The following RAP1GDS1 variants were observed in gnomAD, a reference collection of about 807,000 sequenced individuals.
RAP1GDS1 encodes the protein RAP1, GTP-GDP dissociation stimulator 1.
A neutral mutation model predicts 71.1 loss-of-function variants in RAP1GDS1; 35 were observed. The observed-to-expected ratio is 0.49, with a 90% CI of 0.38 to 0.65. The LOEUF (loss-of-function observed/expected upper bound fraction) is 0.65. RAP1GDS1 is among the 30% of genes least tolerant of loss of function. The probability of loss-of-function intolerance (pLI) is 0.00; values close to 1 mark genes in which losing one functional copy is unlikely to be tolerated. For missense variants in RAP1GDS1, 663 were observed against 706.1 expected, an observed-to-expected ratio of 0.94 and a Z score of 0.69; for synonymous variants, 229 against 243.1, an observed-to-expected ratio of 0.94 and a Z score of 0.54.
intron 7 of RAP1GDS1, among the ~76,000 whole-genome samples, chr4:98,414,516 A>G (rs1289635745): frequency 6.6e-6 from 1 of 150,584 alleles, no homozygotes. Context: ...GTCAAAGATC[A>G]GATAGTTGTA....
At chr4:98,380,371 A>G (rs1237265056) in intron 5 of RAP1GDS1, among the ~76,000 whole-genome samples, 1 of 151,856 alleles carries the variant, frequency 6.6e-6, no homozygotes, top group Non-Finnish European at 1.5e-5. Flanking sequence ...TTTTAATACT[A>G]TAGAAGCTAA....
At chr4:98,273,082 C>T (rs1184291708) in intron 1 of RAP1GDS1, among the ~76,000 whole-genome samples, 1 of 152,158 alleles carries the variant, frequency 6.6e-6, no homozygotes, top group Non-Finnish European at 1.5e-5. Context: ...GTCGACTTCT[C>T]ATCTTCCACT....
intron 5 of RAP1GDS1, among the ~76,000 whole-genome samples, chr4:98,388,721 G>A (rs1055306784): frequency 1.2e-4 from 18 of 152,050 alleles, no homozygotes; most frequent in Non-Finnish European, 2.2e-4. Flanking sequence ...GTGAGACTTC[G>A]TCTCAAAAAT....
chr4:98,343,632 A>G (rs889714340), intron 3 of RAP1GDS1, among the ~76,000 whole-genome samples: 1 of 152,132 alleles, frequency 6.6e-6, no homozygotes, highest in African/African-American at 2.4e-5. Flanking sequence ...ACCCACATAA[A>G]CTCACTGTTC....
chr4:98,325,719 C>G (rs1333969533), intron 2 of RAP1GDS1, among the ~76,000 whole-genome samples: 5 of 138,634 alleles, frequency 3.6e-5, no homozygotes, highest in African/African-American at 1.1e-4. Context: ...GGGAATTGAA[C>G]AATGAGATCA....
intron 5 of RAP1GDS1, 24 bp from the exon 6 acceptor site, chr4:98,391,928 G>C (rs200096355): frequency 4.8e-5 from 74 of 1,548,330 alleles, no homozygotes; most frequent in Non-Finnish European, 6.3e-5. Flanking sequence ...CTTTTCTGTT[G>C]TTGTTTTTTT....
At chr4:98,441,667 T>C in intron 14 of RAP1GDS1, 1 of 926,536 alleles carries the variant, frequency 1.1e-6, no homozygotes, top group Non-Finnish European at 1.3e-6. Context: ...CTTGGGAGAC[T>C]GAGCAGGATG....
intron 12 of RAP1GDS1, 69 bp downstream of exon 12, chr4:98,421,463 G>T (rs1748845420): frequency 8.6e-6 from 12 of 1,400,546 alleles, no homozygotes; most frequent in Non-Finnish European, 1.1e-5. Context: ...AGCATTGTAG[G>T]TCCTAACAAC....
In RAP1GDS1 at chr4:98,421,250, T is replaced by G. The variant is rs756240693; in HGVS notation, c.1301-5T>G. 6.2e-7 allele frequency: 1 copy of G among 1,602,864 alleles called. No homozygotes were observed. Among genetic ancestry groups the G allele is most frequent in the Non-Finnish European group, 8.5e-7 (1 of 1,174,086 alleles). ...TCATTCCTTGGTTTGCCTTCTTTCC[T>G]ATAGCAGAAGCTGCTGAACAATTGG... On this transcript the variant is annotated splice_polypyrimidine_tract_variant and splice_region_variant and intron_variant, in intron 11 of 14. Transcript: ENST00000408927.
At chr4:98,266,774 T>A (rs1241372199) in intron 1 of RAP1GDS1, among the ~76,000 whole-genome samples, 2 of 152,224 alleles carry the variant, frequency 1.3e-5, no homozygotes, top group Non-Finnish European at 2.9e-5. Flanking sequence ...GTACTACTAC[T>A]ATTTGAAAAA....
chr4:98,297,151 A>G (rs1272727280), intron 2 of RAP1GDS1, among the ~76,000 whole-genome samples: 1 of 152,154 alleles, frequency 6.6e-6, no homozygotes, highest in East Asian at 1.9e-4. Context: ...CTTTAAAGAA[A>G]AAAAGCATTT....
intron 1 of RAP1GDS1, among the ~76,000 whole-genome samples, chr4:98,272,475 T>C (rs977067611): frequency 6.6e-6 from 1 of 152,174 alleles, no homozygotes; most frequent in African/African-American, 2.4e-5. Flanking sequence ...CAAAACTTCA[T>C]AGCTCGGTTC....
At chr4:98,320,552 C>T (rs1400586675) in intron 2 of RAP1GDS1, among the ~76,000 whole-genome samples, 1 of 152,062 alleles carries the variant, frequency 6.6e-6, no homozygotes, top group Non-Finnish European at 1.5e-5. Context: ...CAGTGGTTCT[C>T]CCAGCACGCA....
intron 12 of RAP1GDS1, among the ~76,000 whole-genome samples, chr4:98,430,384 G>A (rs1750230486): frequency 6.6e-6 from 1 of 152,202 alleles, no homozygotes; most frequent in South Asian, 2.1e-4. Context: ...TATAAAGTGT[G>A]TTAATTGCAT....
chr4:98,399,680 T>G (rs1296571116), intron 6 of RAP1GDS1, among the ~76,000 whole-genome samples: 1 of 152,178 alleles, frequency 6.6e-6, no homozygotes, highest in Non-Finnish European at 1.5e-5. Context: ...TATGATAAAA[T>G]GTTCAGTATC....
At chr4:98,264,231 A>G (rs2110217373) in intron 1 of RAP1GDS1, among the ~76,000 whole-genome samples, 1 of 152,202 alleles carries the variant, frequency 6.6e-6, no homozygotes, top group East Asian at 1.9e-4. Context: ...TCTCTACTAA[A>G]AATACAAAAA....
At chr4:98,360,989 GGCATGAGA>G (rs1380766394) in intron 4 of RAP1GDS1, among the ~76,000 whole-genome samples, 1 of 151,428 alleles carries the variant, frequency 6.6e-6, no homozygotes, top group African/African-American at 2.4e-5. Context: ...GGGAGGCTGG[GGCATGAGA>G]ATTGCTTGAA....
intron 1 of RAP1GDS1, among the ~76,000 whole-genome samples, chr4:98,287,861 A>C (rs1388077601): frequency 6.6e-6 from 1 of 151,980 alleles, no homozygotes; most frequent in Non-Finnish European, 1.5e-5. Context: ...TTCCTGTTAG[A>C]TCTTGCATCT....
At chr4:98,321,824 T>C (rs1041644476) in intron 2 of RAP1GDS1, among the ~76,000 whole-genome samples, 1 of 127,334 alleles carries the variant, frequency 7.9e-6, no homozygotes, top group African/African-American at 3.1e-5. Context: ...CATGCCAAAA[T>C]GTAAAGACCA....
Sources: gnomAD v4.1 joint callset for allele counts (sites outside exome capture counted in the v4.1 genomes callset) on GRCh38, gnomAD v4.1.1 for gene constraint, MANE v1.5 for transcripts, NCBI Gene and HGNC (gene_info 2026-07-23, HGNC 2026-07-21) for gene names.